Variants in UBFD1 observed in about 807,000 individuals in gnomAD.
UBFD1 encodes ubiquitin domain-containing protein UBFD1.
A neutral mutation model predicts 35.1 loss-of-function variants in UBFD1; 12 were observed. The ratio of observed to expected loss-of-function variants is 0.34; its 90% confidence interval spans 0.22 to 0.55. The LOEUF is 0.55. Among genes scored for constraint, UBFD1 ranks in the 20% least tolerant of loss-of-function variants. The probability of loss-of-function intolerance (pLI) is 0.89; values close to 1 mark genes in which losing one functional copy is unlikely to be tolerated. For synonymous variants in UBFD1, 178 were observed against 167.6 expected, an observed-to-expected ratio of 1.06 and a Z score of -0.48; for missense variants, 337 against 410.8, an observed-to-expected ratio of 0.82 and a Z score of 1.55.
At position 23,573,160 on chromosome 16, in the gene UBFD1, C is replaced by T. The variant is rs1394141582; in HGVS notation, c.*2570C>T. On this transcript the variant is annotated 3_prime_UTR_variant, in exon 7 of 7. Transcript: ENST00000395878. Reference sequence around the variant, plus strand: ...CTCAGGATAATTTCTATACAATTTCCTTACTGTCAGAGGGACCAGATCTTT... The same window carrying T: ...CTCAGGATAATTTCTATACAATTTCTTTACTGTCAGAGGGACCAGATCTTT... The T allele has an allele frequency of 1.3e-5, 2 of 151,920 alleles. No homozygotes were observed. Among genetic ancestry groups the T allele is most frequent in the Non-Finnish European group, 2.9e-5 (2 of 67,980 alleles). The allele number at this position is 151,920 out of a possible 1,614,324, so 9.4% of individuals were successfully genotyped here. A position where few individuals can be genotyped will look rare whatever the true frequency, so the allele number is the denominator to read the frequency against.
In UBFD1 at chr16:23,557,757, G is replaced by A; in HGVS notation, c.15G>A (p.Gly5=). 7.7e-7 allele frequency: 1 copy of A among 1,301,924 alleles called. No individual in the cohort carries two copies. Among genetic ancestry groups the A allele is most frequent in the Non-Finnish European group, 9.8e-7 (1 of 1,024,594 alleles). 80.6% of individuals were successfully genotyped at this position (1,301,924 alleles called of 1,614,324 possible). Residue 5 remains glycine, a synonymous_variant, in exon 1 of 7, where the codon GGG becomes GGA. Coordinates refer to ENST00000395878, the MANE Select transcript of UBFD1 (RefSeq NM_019116.3). MAAA[G]APDGMEEPGM... ...ACACAATCATCATGGCGGCGGCCGG[G>A]GCCCCGGATGGTGAGTGCGGCGGGG... is the stretch of plus-strand genomic sequence containing the variant.
rs1966105850 is a variant in UBFD1, at chr16:23,572,958, C to G, written c.*2368C>G. 6.6e-6 allele frequency: 1 copy of G among 152,194 alleles called. No homozygotes were observed. Among genetic ancestry groups the G allele is most frequent in the African/African-American group, 2.4e-5 (1 of 41,452 alleles). The allele number at this position is 152,194 out of a possible 1,614,324, so 9.4% of individuals were successfully genotyped here. ...AGAGCAGACATAGCACCAGAAGCCA[C>G]TGGGAGAAGTGTTTTCGATCCGTGT... On this transcript the variant is annotated 3_prime_UTR_variant, in exon 7 of 7. Transcript: ENST00000395878.
chr16:23,562,362 CCCTGTTTTTTT>C (rs1426953529), intron 4 of UBFD1, 91 bp downstream of exon 4: 1 of 1,292,798 alleles, frequency 7.7e-7, no homozygotes, highest in Non-Finnish European at 1.1e-6. Context: ...TCTCTTTTTT[CCCTGTTTTTTT>C]TTTTTTGAGA....
At chr16:23,566,839 C>A in intron 5 of UBFD1, 148 bp from the exon 6 acceptor site, 3 of 697,816 alleles carry the variant, frequency 4.3e-6, no homozygotes, top group Non-Finnish European at 7.4e-6. Flanking sequence ...TCAGAAGACC[C>A]TGTCGTGTTG....
Position 23,566,994 on chromosome 16 carries a change from T to C in UBFD1, c.744T>C (p.Thr248=). The C allele has an allele frequency of 6.2e-7, 1 of 1,614,166 alleles. No homozygotes were observed. The highest frequency in any genetic ancestry group is 8.5e-7 in the Non-Finnish European group (1 of 1,180,006). The change falls in exon 6 of 7, where the codon ACT becomes ACC. Residue 248 remains threonine (T), a synonymous_variant. Transcript: ENST00000395878. ...DQLWIGTKER[T]EKLPMGSIKN... is the part of the protein sequence containing the mutation. ...TAATCCCTCTCAACTTAGAGCGGAC[T>C]GAGAAATTGCCCATGGGCTCCATAA... is the stretch of plus-strand genomic sequence containing the variant.
chr16:23,570,423 G>T, intron 6 of UBFD1, 57 bp from the exon 7 acceptor site: 1 of 1,302,280 alleles, frequency 7.7e-7, no homozygotes. Flanking sequence ...TGTTTGTCCT[G>T]CCTGCTTGGT....
intron 5 of UBFD1, 85 bp downstream of exon 5, chr16:23,562,815 C>T: frequency 3.4e-6 from 4 of 1,187,916 alleles, no homozygotes; most frequent in Non-Finnish European, 5.0e-6. Context: ...GATTTCACCC[C>T]TCCTTCTGAA....
intron 5 of UBFD1, chr16:23,564,976 T>C (rs1203564966): frequency 6.6e-6 from 1 of 152,216 alleles, no homozygotes; most frequent in Non-Finnish European, 1.5e-5. Context: ...TTGAGGAGCA[T>C]GGCCATGGAC....
chr16:23,566,368 T>A (rs983623518), intron 5 of UBFD1: 12 of 152,020 alleles, frequency 7.9e-5, no homozygotes, highest in East Asian at 3.9e-4. Flanking sequence ...TATTTTATAT[T>A]TTTTTTTGTT....
At chr16:23,559,984 A>G in intron 3 of UBFD1, 1 of 1,044,558 alleles carries the variant, frequency 9.6e-7, no homozygotes, top group Admixed American at 2.9e-5. Context: ...GTGCCAGAGA[A>G]AACTACCAGT....
intron 3 of UBFD1, among the ~76,000 whole-genome samples, chr16:23,560,247 C>T (rs1177205560): frequency 1.3e-5 from 2 of 152,142 alleles, no homozygotes; most frequent in African/African-American, 2.4e-5. Context: ...CTTTTGGCTG[C>T]AAGAGATCCT....
In UBFD1 at chr16:23,572,719, G is replaced by A. The variant is rs1340519687; in HGVS notation, c.*2129G>A. ...ACTCAGGCTGGTGTCATTTCAGGAG[G>A]ACCAAAGCCTGCGTGAGCCTTTTTA... On this transcript the variant is annotated 3_prime_UTR_variant, in exon 7 of 7. Transcript: ENST00000395878. 3 of 153,696 alleles carry A rather than the reference G, an allele frequency of 2.0e-5. No homozygotes were observed. The highest frequency in any genetic ancestry group is 3.8e-4 in the East Asian group (2 of 5,198). The allele number at this position is 153,696 out of a possible 1,614,324, so 9.5% of individuals were successfully genotyped here.
At chr16:23,562,391 T>A in intron 4 of UBFD1, 120 bp downstream of exon 4, 1 of 956,566 alleles carries the variant, frequency 1.0e-6, no homozygotes, top group African/African-American at 1.7e-5. Context: ...AGACAGAGTC[T>A]TGCTCTGTCA....
At position 23,559,511 on chromosome 16, in the gene UBFD1, C is replaced by A. The variant is rs776135503; in HGVS notation, c.399C>A (p.Val133=). 1 of 1,614,070 alleles carries A rather than the reference C, an allele frequency of 6.2e-7. No individual in the cohort carries two copies. Among genetic ancestry groups the A allele is most frequent in the South Asian group, 1.1e-5 (1 of 91,016 alleles). ...AMQKVMYKGL[V]PEDKTLREIK... is the part of the protein sequence containing the mutation. ...AGAAAGTCATGTATAAGGGACTCGT[C>A]CCCGAGGATAAAACATTGAGAGAAA... The change falls in exon 3 of 7, where the codon GTC becomes GTA. Residue 133 remains valine (V), a synonymous_variant. Transcript: ENST00000395878.
chr16:23,564,814 A>G (rs1465483244), intron 5 of UBFD1: 6 of 152,246 alleles, frequency 3.9e-5, no homozygotes, highest in African/African-American at 9.6e-5. Context: ...AGGAACTGAC[A>G]GAACAAGAAC....
chr16:23,561,041 A>G (rs373509480), intron 3 of UBFD1, among the ~76,000 whole-genome samples: 5 of 152,348 alleles, frequency 3.3e-5, no homozygotes, highest in African/African-American at 9.6e-5. Context: ...ACTGTTCTCC[A>G]CAGTACAGGA....
At chr16:23,569,795 G>A (rs1408583266) in intron 6 of UBFD1, 1 of 152,154 alleles carries the variant, frequency 6.6e-6, no homozygotes, top group African/African-American at 2.4e-5. Context: ...GTGTATCCAC[G>A]AACAAGATGG....
intron 5 of UBFD1, 38 bp downstream of exon 5, chr16:23,562,768 G>A (rs956282924): frequency 1.2e-5 from 19 of 1,564,468 alleles, no homozygotes; most frequent in Admixed American, 1.7e-5. Context: ...CCCACTGCCT[G>A]CCTCTGGCAC....
intron 5 of UBFD1, chr16:23,566,542 A>G (rs1360658433): frequency 6.5e-6 from 1 of 153,988 alleles, no homozygotes; most frequent in Non-Finnish European, 1.4e-5. Context: ...TTGTATTTTT[A>G]GTAGAGACGG....
Sources: gnomAD v4.1 joint callset for allele counts (sites outside exome capture counted in the v4.1 genomes callset) on GRCh38, gnomAD v4.1.1 for gene constraint, MANE v1.5 for transcripts, NCBI Gene and HGNC (gene_info 2026-07-23, HGNC 2026-07-21) for gene names.